Variants in AFTPH observed in about 807,000 individuals in gnomAD.
AFTPH encodes the protein aftiphilin.
A neutral mutation model predicts 72.5 loss-of-function variants in AFTPH; 7 were observed. That is an observed-to-expected ratio of 0.10 (90% CI 0.05 to 0.18). The LOEUF (loss-of-function observed/expected upper bound fraction) is 0.18. Ranked by LOEUF, AFTPH falls within the 10% of genes least tolerant of loss-of-function variation. AFTPH has a pLI of 1.00. For missense variants in AFTPH, 979 were observed against 1,060.5 expected (o/e 0.92, Z 1.07); for synonymous variants, 337 against 370.1 (o/e 0.91, Z 1.03).
At chr2:64,550,677 G>GCATGCACACA (rs1670977256) in intron 1 of AFTPH, among the ~76,000 whole-genome samples, 1 of 130,152 alleles carries the variant, frequency 7.7e-6, no homozygotes, top group African/African-American at 2.9e-5. Context: ...CTGTACGCAT[G>GCATGCACACA]CACACACACA....
At chr2:64,557,283 A>G (rs1483904954) in intron 2 of AFTPH, among the ~76,000 whole-genome samples, 1 of 152,178 alleles carries the variant, frequency 6.6e-6, no homozygotes, top group Non-Finnish European at 1.5e-5. Flanking sequence ...AAATTTAGGT[A>G]ATTGGTAAGT....
At chr2:64,551,666 T>C (rs766558933) in exon 2 of AFTPH, 5 of 1,614,016 alleles carry the variant, frequency 3.1e-6, no homozygotes, top group Non-Finnish European at 4.2e-6. Flanking sequence ...CTTCAAACCA[T>C]TTTATGCCAA....
At chr2:64,526,935 A>G (rs1669306945) in intron 1 of AFTPH, among the ~76,000 whole-genome samples, 2 of 152,252 alleles carry the variant, frequency 1.3e-5, no homozygotes, top group Non-Finnish European at 2.9e-5. Context: ...AACTTGCCTT[A>G]GGTCAAACAG....
chr2:64,573,190 A>T, intron 6 of AFTPH, 122 bp downstream of exon 6: 2 of 741,642 alleles, frequency 2.7e-6, no homozygotes, highest in Non-Finnish European at 4.3e-6. Flanking sequence ...TGATTTAATG[A>T]TGGACATGAT....
intron 6 of AFTPH, among the ~76,000 whole-genome samples, chr2:64,574,935 GTTAGGTA>G (rs1376660037): frequency 2.6e-5 from 4 of 152,188 alleles, no homozygotes; most frequent in Non-Finnish European, 5.9e-5. Context: ...TTCCTACAGT[GTTAGGTA>G]TTAGGAAAGT....
chr2:64,561,472 T>A (rs912909210), intron 2 of AFTPH, among the ~76,000 whole-genome samples: 3 of 151,206 alleles, frequency 2.0e-5, no homozygotes, highest in Admixed American at 6.6e-5. Flanking sequence ...AAAGGAGGAG[T>A]TCAAGACCAG....
At chr2:64,528,822 A>G (rs1463569691) in intron 1 of AFTPH, among the ~76,000 whole-genome samples, 1 of 152,160 alleles carries the variant, frequency 6.6e-6, no homozygotes, top group Non-Finnish European at 1.5e-5. Context: ...AATTCTAATG[A>G]CTTAGGCTTT....
At chr2:64,541,435 A>T (rs1283646942) in intron 1 of AFTPH, among the ~76,000 whole-genome samples, 1 of 152,154 alleles carries the variant, frequency 6.6e-6, no homozygotes, top group Non-Finnish European at 1.5e-5. Context: ...AAAAGAAAAA[A>T]CACCCAAAAA....
chr2:64,574,415 A>C (rs1436505079), intron 6 of AFTPH, among the ~76,000 whole-genome samples: 1 of 152,216 alleles, frequency 6.6e-6, no homozygotes, highest in Non-Finnish European at 1.5e-5. Context: ...AGGACATTGA[A>C]GAGTCCTGCA....
intron 5 of AFTPH, 143 bp from the exon 6 acceptor site, chr2:64,572,803 T>TAA (rs147232569): frequency 2.8e-4 from 270 of 974,220 alleles, no homozygotes; most frequent in African/African-American, 4.8e-4. Context: ...CCTTGTCTCT[T>TAA]AAAAAAAAAA....
intron 8 of AFTPH, among the ~76,000 whole-genome samples, chr2:64,590,667 C>T (rs1256986577): frequency 6.6e-6 from 1 of 152,202 alleles, no homozygotes; most frequent in Non-Finnish European, 1.5e-5. Context: ...CTTCTAAGAA[C>T]CTAGTACTGA....
At chr2:64,581,742 C>T (rs1450802079) in intron 7 of AFTPH, among the ~76,000 whole-genome samples, 1 of 152,122 alleles carries the variant, frequency 6.6e-6, no homozygotes, top group African/African-American at 2.4e-5. Flanking sequence ...TTTATTAGTG[C>T]TGCTAAATAT....
At position 64,582,653 on chromosome 2, in the gene AFTPH, A is replaced by ATATC. The variant is rs530456573; in HGVS notation, c.2456-2767_2456-2764dup. ...GTAGGAGGGACAACCAAAAACATGT[A>ATATC]TATCTTTTTGTTACTGTATTCCCAA... On this transcript the variant is annotated intron_variant, in intron 7 of 8. Coordinates refer to ENST00000238856, the Ensembl canonical transcript of AFTPH. 5.4e-3 allele frequency among the ~76,000 whole-genome samples: 830 copies of ATATC among 152,296 alleles called. 10 individuals are homozygous for ATATC. Among genetic ancestry groups the ATATC allele is most frequent in the African/African-American group, 0.019 (796 of 41,552 alleles).
chr2:64,569,592 T>C (rs752305143), intron 4 of AFTPH, 31 bp from the exon 5 acceptor site: 7 of 1,606,126 alleles, frequency 4.4e-6, no homozygotes, highest in South Asian at 2.2e-5. Context: ...ATTCTCTAAA[T>C]ATATGTTCTT....
At chr2:64,549,261 T>A (rs1670869136) in intron 1 of AFTPH, among the ~76,000 whole-genome samples, 1 of 151,850 alleles carries the variant, frequency 6.6e-6, no homozygotes, top group Non-Finnish European at 1.5e-5. Flanking sequence ...TATCTGTTTA[T>A]TATTTATGTG....
intron 2 of AFTPH, among the ~76,000 whole-genome samples, chr2:64,567,332 G>A (rs1219791835): frequency 1.3e-5 from 2 of 152,062 alleles, no homozygotes; most frequent in African/African-American, 4.8e-5. Flanking sequence ...ATATTGCTTG[G>A]CATGTTGCTT....
At position 64,555,989 on chromosome 2, in the gene AFTPH, C is replaced by CTTTTTTTTTTTTTTTT. The variant is rs774669104; in HGVS notation, c.1935+2595_1935+2596insTTTTTTTTTTTTTTTT. On this transcript the variant is annotated intron_variant, in intron 2 of 8. Coordinates refer to ENST00000238856, the Ensembl canonical transcript of AFTPH. Reference sequence around the variant, plus strand: ...TGTTTGGAACAGCACGAATTCCTCACTTTTTTTTTTTTTTTGGAGACAGAA... The same window carrying CTTTTTTTTTTTTTTTT: ...TGTTTGGAACAGCACGAATTCCTCACTTTTTTTTTTTTTTTTTTTTTTTTTTTTTTTGGAGACAGAA... Among the ~76,000 whole-genome samples the CTTTTTTTTTTTTTTTT allele has an allele frequency of 4.5e-3, 603 of 133,896 alleles. 55 individuals are homozygous for CTTTTTTTTTTTTTTTT. The highest frequency in any genetic ancestry group is 0.017 in the African/African-American group (555 of 32,216). 87.8% of individuals were successfully genotyped at this position (133,896 alleles called of 152,430 possible). A position where few individuals can be genotyped will look rare whatever the true frequency, so the allele number is the denominator to read the frequency against.
chr2:64,569,557 A>G (rs1287695352), intron 4 of AFTPH, 66 bp from the exon 5 acceptor site: 6 of 1,535,164 alleles, frequency 3.9e-6, no homozygotes, highest in Non-Finnish European at 5.4e-6. Flanking sequence ...GCATATTTGG[A>G]AACTATTTCA....
chr2:64,539,523 T>C (rs185529396), intron 1 of AFTPH, among the ~76,000 whole-genome samples: 274 of 152,310 alleles, frequency 1.8e-3, no homozygotes, highest in South Asian at 0.011. Flanking sequence ...TTGATTACAT[T>C]TGGATATTTC....
Sources: gnomAD v4.1 joint callset for allele counts (sites outside exome capture counted in the v4.1 genomes callset) on GRCh38, gnomAD v4.1.1 for gene constraint, MANE v1.5 for transcripts, NCBI Gene and HGNC (gene_info 2026-07-23, HGNC 2026-07-21) for gene names.